ATRNL1: variants seen among roughly 807,000 people sequenced by gnomAD.
ATRNL1 encodes attractin like 1, also known as attractin-like protein 1.
In ATRNL1, 95 loss-of-function variants were observed where a neutral mutation model predicts 182.7. That is an observed-to-expected ratio of 0.52 (90% confidence interval 0.44 to 0.62). ATRNL1 has a LOEUF of 0.62. ATRNL1 is among the 20% of genes least tolerant of loss of function. ATRNL1 has a pLI of 0.00. For synonymous variants in ATRNL1, 576 were observed against 568.3 expected (o/e 1.01, Z -0.19); for missense variants, 1,471 against 1,679.5 (o/e 0.88, Z 2.17).
At chr10:115,928,651 T>C (rs1281456140) in intron 28 of ATRNL1, among the ~76,000 whole-genome samples, 1 of 152,024 alleles carries the variant, frequency 6.6e-6, no homozygotes, top group African/African-American at 2.4e-5. Flanking sequence ...GATCACTTTC[T>C]TATCTTTTTC....
At chr10:115,607,709 A>G (rs1856940677) in intron 26 of ATRNL1, among the ~76,000 whole-genome samples, 1 of 151,840 alleles carries the variant, frequency 6.6e-6, no homozygotes, top group Non-Finnish European at 1.5e-5. Flanking sequence ...CAATCTGCAG[A>G]TTGTATATCA....
At chr10:115,625,513 A>G (rs1272558822) in intron 26 of ATRNL1, among the ~76,000 whole-genome samples, 1 of 152,076 alleles carries the variant, frequency 6.6e-6, no homozygotes, top group Non-Finnish European at 1.5e-5. Context: ...ATGTGTATTG[A>G]AAATATTCAA....
In ATRNL1 at chr10:115,093,741, G is replaced by A; in HGVS notation, c.-10G>A. ...GAGCGCAGTCTCGCCGGGCAGGGGC[G>A]CCGGGGAAGATGGAGACTGGGGGCC... is the stretch of plus-strand genomic sequence containing the variant. On this transcript the variant is annotated 5_prime_UTR_variant, in exon 1 of 29. Coordinates refer to ENST00000355044, the MANE Select transcript of ATRNL1 (RefSeq NM_207303.4). The surrounding 1 kb of genome is among the most constrained non-coding windows in gnomAD (Gnocchi z 6.1). 1.4e-6 allele frequency: 2 copies of A among 1,414,228 alleles called. No individual in the cohort carries two copies. Among genetic ancestry groups the A allele is most frequent in the Non-Finnish European group, 1.8e-6 (2 of 1,091,522 alleles). The allele number at this position is 1,414,228 out of a possible 1,614,324, so 87.6% of individuals were successfully genotyped here. A position where few individuals can be genotyped will look rare whatever the true frequency, so the allele number is the denominator to read the frequency against.
At chr10:115,488,495 T>C (rs1304156846) in intron 24 of ATRNL1, among the ~76,000 whole-genome samples, 1 of 152,216 alleles carries the variant, frequency 6.6e-6, no homozygotes, top group Non-Finnish European at 1.5e-5. Flanking sequence ...CTAGATTTTC[T>C]AGTTTATTTG....
At chr10:115,418,621 C>T (rs1845512083) in intron 20 of ATRNL1, among the ~76,000 whole-genome samples, 1 of 152,042 alleles carries the variant, frequency 6.6e-6, no homozygotes, top group Non-Finnish European at 1.5e-5. Flanking sequence ...GATTCAATCC[C>T]AATAAGAATA....
At position 115,756,734 on chromosome 10, in the gene ATRNL1, G is replaced by T. The variant is rs187258207; in HGVS notation, c.3903+29379G>T. On this transcript the variant is annotated intron_variant, in intron 27 of 28. Transcript: ENST00000355044. ...GATATCCTTGTTAATTATCTGTCTC[G>T]TTGATCTGTCTAATGTTGACAGTGG... Among the ~76,000 whole-genome samples the T allele has an allele frequency of 2.6e-5, 4 of 152,140 alleles. No homozygotes were observed. In the South Asian group the frequency reaches 6.2e-4, roughly 24 times the overall value.
intron 14 of ATRNL1, 50 bp downstream of exon 14, chr10:115,281,537 C>T (rs929323707): frequency 6.4e-7 from 1 of 1,557,158 alleles, no homozygotes; most frequent in Non-Finnish European, 8.7e-7. Context: ...CAGATAAATA[C>T]TGACATAGAA....
At chr10:115,145,608 T>C (rs1554879146) in intron 5 of ATRNL1, among the ~76,000 whole-genome samples, 1 of 152,202 alleles carries the variant, frequency 6.6e-6, no homozygotes, top group African/African-American at 2.4e-5. Context: ...ATACTTTGGA[T>C]ACTGTAACAA....
At chr10:115,370,258 A>C (rs2134193619) in intron 19 of ATRNL1, among the ~76,000 whole-genome samples, 1 of 152,322 alleles carries the variant, frequency 6.6e-6, no homozygotes, top group Admixed American at 6.5e-5. Context: ...TAATACAGTA[A>C]ATTAGTACCA....
chr10:115,651,242 C>T (rs948105866), intron 26 of ATRNL1, among the ~76,000 whole-genome samples: 25 of 150,822 alleles, frequency 1.7e-4, no homozygotes, highest in African/African-American at 6.0e-4. Context: ...GAGAAGAGAA[C>T]AAGGGCTACC....
At chr10:115,741,848 G>T (rs1175077711) in intron 27 of ATRNL1, among the ~76,000 whole-genome samples, 1 of 152,152 alleles carries the variant, frequency 6.6e-6, no homozygotes, top group Non-Finnish European at 1.5e-5. Context: ...ATTGAAGGTA[G>T]AATCTAGGAA....
At chr10:115,619,729 T>G (rs1555022054) in intron 26 of ATRNL1, among the ~76,000 whole-genome samples, 4 of 152,244 alleles carry the variant, frequency 2.6e-5, no homozygotes. Flanking sequence ...TTAATATAAC[T>G]TTAATATTTT....
intron 17 of ATRNL1, among the ~76,000 whole-genome samples, chr10:115,312,360 A>C (rs1854077478): frequency 6.6e-6 from 1 of 152,158 alleles, no homozygotes; most frequent in Non-Finnish European, 1.5e-5. Context: ...TCCTTCATTT[A>C]TGAAAGTTAG....
At chr10:115,424,674 G>T (rs1845802365) in intron 20 of ATRNL1, among the ~76,000 whole-genome samples, 1 of 152,112 alleles carries the variant, frequency 6.6e-6, no homozygotes, top group African/African-American at 2.4e-5. Flanking sequence ...AATAAGCACA[G>T]AAGAAAAATA....
chr10:115,529,507 C>G (rs1592792944), intron 25 of ATRNL1, among the ~76,000 whole-genome samples: 1 of 104,010 alleles, frequency 9.6e-6, no homozygotes, highest in African/African-American at 2.7e-5. Flanking sequence ...GAATGAGCTT[C>G]TTATTAATTG....
chr10:115,387,872 C>T (rs1374302434), intron 19 of ATRNL1, among the ~76,000 whole-genome samples: 2 of 152,136 alleles, frequency 1.3e-5, no homozygotes, highest in Non-Finnish European at 2.9e-5. Flanking sequence ...AATCTGATCA[C>T]TCGTATCACT....
At position 115,120,275 on chromosome 10, in the gene ATRNL1, A is replaced by T. The variant is rs1483752536; in HGVS notation, c.377+7A>T. On this transcript the variant is annotated splice_region_variant and intron_variant, in intron 2 of 28. Coordinates refer to ENST00000355044, the MANE Select transcript of ATRNL1 (RefSeq NM_207303.4). Reference sequence around the variant, plus strand: ...CTTGGCTCATTGAAGGCTAGTAAGTATACAGTCTGAGTCAAATTAATGTAT... The same window carrying T: ...CTTGGCTCATTGAAGGCTAGTAAGTTTACAGTCTGAGTCAAATTAATGTAT... 1 of 1,403,238 alleles carries T rather than the reference A, an allele frequency of 7.1e-7. No individual in the cohort carries two copies. Among genetic ancestry groups the T allele is most frequent in the African/African-American group, 1.4e-5 (1 of 69,780 alleles). The allele number at this position is 1,403,238 out of a possible 1,614,324, so 86.9% of individuals were successfully genotyped here. A position where few individuals can be genotyped will look rare whatever the true frequency, so the allele number is the denominator to read the frequency against.
chr10:115,901,008 T>A (rs1178098442), intron 28 of ATRNL1, among the ~76,000 whole-genome samples: 1 of 152,148 alleles, frequency 6.6e-6, no homozygotes, highest in Non-Finnish European at 1.5e-5. Flanking sequence ...TCCACATCCT[T>A]GCCAGCATGA....
intron 28 of ATRNL1, among the ~76,000 whole-genome samples, chr10:115,873,510 A>G (rs1951631665): frequency 6.6e-6 from 1 of 152,202 alleles, no homozygotes; most frequent in South Asian, 2.1e-4. Context: ...TCTATGATTA[A>G]CAATTCATTT....
Sources: gnomAD v4.1 joint callset for allele counts (sites outside exome capture counted in the v4.1 genomes callset) on GRCh38, gnomAD v4.1.1 for gene constraint, Gnocchi (gnomAD v3.1) non-coding constraint, MANE v1.5 for transcripts, NCBI Gene and HGNC (gene_info 2026-07-23, HGNC 2026-07-21) for gene names.